Variants in GNG7 observed in about 807,000 individuals in gnomAD.
The protein encoded by GNG7 is G protein subunit gamma 7, also known as guanine nucleotide-binding protein G(I)/G(S)/G(O) subunit gamma-7.
Under a neutral mutation model 4.0 loss-of-function variants are expected in GNG7, and 1 was observed. That is an observed-to-expected ratio of 0.25 (90% CI 0.09 to 1.18). The LOEUF (loss-of-function observed/expected upper bound fraction) is 1.18, where lower values mean the gene tolerates loss of function less well. Ranked by LOEUF, GNG7 falls within the 50% of genes most tolerant of loss-of-function variation. The pLI is 0.50. For synonymous variants in GNG7, 34 were observed against 36.9 expected (o/e 0.92, Z 0.29); for missense variants, 86 against 91.9 (o/e 0.94, Z 0.26).
At chr19:2,685,475 A>G (rs1983848602) in intron 1 of GNG7, among the ~76,000 whole-genome samples, 1 of 151,968 alleles carries the variant, frequency 6.6e-6, no homozygotes, top group Non-Finnish European at 1.5e-5. Context: ...AAATTTAAAA[A>G]TCAGCCGGGC....
At chr19:2,538,715 T>G (rs949764585) in intron 3 of GNG7, 3 of 461,698 alleles carry the variant, frequency 6.5e-6, no homozygotes, top group Non-Finnish European at 1.3e-5. Context: ...CCTGAATTCC[T>G]CACTGCATTG....
At chr19:2,537,245 G>A (rs112533212) in intron 3 of GNG7, among the ~76,000 whole-genome samples, 4 of 151,692 alleles carry the variant, frequency 2.6e-5, no homozygotes, top group Non-Finnish European at 4.4e-5. Flanking sequence ...CACCGCGCCC[G>A]GCCACATACA....
chr19:2,594,401 AGGAG>A, intron 2 of GNG7, among the ~76,000 whole-genome samples: 1 of 95,724 alleles, frequency 1.0e-5, no homozygotes. Flanking sequence ...GAAAGAAAGA[AGGAG>A]GGAAGGAAGG....
intron 1 of GNG7, among the ~76,000 whole-genome samples, chr19:2,651,641 T>C (rs1982834422): frequency 6.8e-6 from 1 of 147,836 alleles, no homozygotes; most frequent in Non-Finnish European, 1.5e-5. Flanking sequence ...TCTCAGCTCA[T>C]TGCAACCTCC....
intron 3 of GNG7, among the ~76,000 whole-genome samples, chr19:2,553,631 T>A (rs890273905): frequency 1.2e-5 from 1 of 85,014 alleles, no homozygotes; most frequent in African/African-American, 4.2e-5. Flanking sequence ...ATGCACACGT[T>A]ACATGTAATA....
At chr19:2,638,147 G>A (rs1041230805) in intron 2 of GNG7, among the ~76,000 whole-genome samples, 5 of 151,498 alleles carry the variant, frequency 3.3e-5, no homozygotes, top group African/African-American at 9.7e-5. Context: ...GGTGGATCAC[G>A]AGGTCAGGAG....
intron 2 of GNG7, among the ~76,000 whole-genome samples, chr19:2,630,290 C>T (rs1270581894): frequency 6.6e-6 from 1 of 152,074 alleles, no homozygotes; most frequent in Non-Finnish European, 1.5e-5. Context: ...TTGTAGAACC[C>T]CCTCCCCTTG....
chr19:2,624,646 G>C (rs965192584), intron 2 of GNG7, among the ~76,000 whole-genome samples: 1 of 152,172 alleles, frequency 6.6e-6, no homozygotes, highest in African/African-American at 2.4e-5. Context: ...AGCACAGCAG[G>C]CCTCTCGTCT....
intron 2 of GNG7, chr19:2,610,306 G>A (rs886318756): frequency 1.4e-5 from 2 of 146,722 alleles, no homozygotes; most frequent in African/African-American, 5.1e-5. Context: ...GACTATAGGT[G>A]TGCACTGCCA....
chr19:2,652,040 T>C (rs1982844440), intron 1 of GNG7, among the ~76,000 whole-genome samples: 1 of 151,476 alleles, frequency 6.6e-6, no homozygotes, highest in Admixed American at 6.6e-5. Context: ...CCAGGTCTGG[T>C]GGCAGGCGCC....
chr19:2,655,887 G>T (rs537717077), intron 1 of GNG7, among the ~76,000 whole-genome samples: 2 of 146,466 alleles, frequency 1.4e-5, no homozygotes, highest in African/African-American at 5.1e-5. Flanking sequence ...TTAGCCAGGC[G>T]TGGTGGTGGG....
chr19:2,558,264 A>G, intron 2 of GNG7, among the ~76,000 whole-genome samples: 1 of 107,398 alleles, frequency 9.3e-6, no homozygotes, highest in Middle Eastern at 4.3e-3. Flanking sequence ...TTTTTTTGAG[A>G]TAGGGTCTGT....
chr19:2,602,914 T>TTTC (rs1161885315), intron 2 of GNG7, among the ~76,000 whole-genome samples: 1 of 50,764 alleles, frequency 2.0e-5, no homozygotes, highest in South Asian at 3.8e-4. Flanking sequence ...TCTTTCTTTC[T>TTTC]TTCTTTCTTT....
At chr19:2,553,639 A>C (rs1979424447) in intron 3 of GNG7, among the ~76,000 whole-genome samples, 1 of 94,160 alleles carries the variant, frequency 1.1e-5, no homozygotes, top group Non-Finnish European at 2.3e-5. Flanking sequence ...GTTACATGTA[A>C]TATGTTATAT....
intron 2 of GNG7, among the ~76,000 whole-genome samples, chr19:2,570,903 T>C (rs1401341095): frequency 6.6e-6 from 1 of 151,848 alleles, no homozygotes; most frequent in Non-Finnish European, 1.5e-5. Flanking sequence ...GCTCAACCGA[T>C]CCTCCTGCCT....
rs1005792791 is a variant in GNG7, at chr19:2,546,418, C to T, written c.-38+8731G>A. Among the ~76,000 whole-genome samples, 2 of 152,220 alleles carry T rather than the reference C, an allele frequency of 1.3e-5. No homozygotes were observed. Among genetic ancestry groups the T allele is most frequent in the South Asian group, 2.1e-4 (1 of 4,830 alleles). On this transcript the variant is annotated intron_variant, in intron 3 of 4. Coordinates refer to ENST00000382159, the MANE Select transcript of GNG7 (RefSeq NM_052847.3). This position sits in a 1 kb window ranked among gnomAD's most constrained non-coding sequence, Gnocchi z 6.3. ...TGGCTCTGTGACCTCAAGGCAGGGC[C>T]GTGGGGCCCAGGGCTGCGGGCGGGA...
chr19:2,700,855 G>A (rs918386044), intron 1 of GNG7: 9 of 152,192 alleles, frequency 5.9e-5, no homozygotes, highest in African/African-American at 2.2e-4. Flanking sequence ...ATCCCACGAC[G>A]GGAACAAGTT....
chr19:2,648,446 AG>A (rs771129221), intron 1 of GNG7, among the ~76,000 whole-genome samples: 8 of 152,184 alleles, frequency 5.3e-5, no homozygotes, highest in East Asian at 1.9e-4. Context: ...TGCTAACATA[AG>A]GGAAAACTGG....
intron 3 of GNG7, among the ~76,000 whole-genome samples, chr19:2,539,864 T>TCCTCCCTCCCTCC (rs1363516161): frequency 2.9e-5 from 4 of 136,454 alleles, no homozygotes; most frequent in South Asian, 5.2e-4. Context: ...CTCCCTCCCT[T>TCCTCCCTCCCTCC]CTTCTTTCTC....
Sources: gnomAD v4.1 joint callset for allele counts (sites outside exome capture counted in the v4.1 genomes callset) on GRCh38, gnomAD v4.1.1 for gene constraint, Gnocchi (gnomAD v3.1) non-coding constraint, MANE v1.5 for transcripts, NCBI Gene and HGNC (gene_info 2026-07-23, HGNC 2026-07-21) for gene names.